Variants in MYLK observed in about 807,000 individuals in gnomAD.
MYLK encodes myosin light chain kinase.
A neutral mutation model predicts 203.4 loss-of-function variants in MYLK; 106 were observed. The observed-to-expected ratio is 0.52, with a 90% CI of 0.45 to 0.61. The LOEUF (loss-of-function observed/expected upper bound fraction) is 0.61. Ranked by LOEUF, MYLK falls within the 20% of genes least tolerant of loss-of-function variation. MYLK has a pLI of 0.00. For missense variants in MYLK, 2,072 were observed against 2,442.3 expected (o/e 0.85, Z 3.20); for synonymous variants, 867 against 959.5 (o/e 0.90, Z 1.78).
rs1576311533 is a variant in MYLK, at chr3:123,618,757, T to G, written c.5382A>C (p.Gln1794His). ...CCTCAGCAACAGCCTCAAGGAAAGC[T>G]TGGGACACATCTTCTAGAAGACAGA... is the stretch of plus-strand genomic sequence containing the variant. ...EKLESEEDVS[Q>H]AFLEAVAEEK... The change falls in exon 33 of 34, where the codon CAA becomes CAC. Residue 1794 changes from glutamine to histidine, a missense_variant. This residue lies in a region of MYLK where 524 missense variants were observed against 782.4 expected (regional missense o/e 0.67). Coordinates refer to ENST00000360304, the MANE Select transcript of MYLK (RefSeq NM_053025.4). The G allele has an allele frequency of 6.2e-7, 1 of 1,614,158 alleles. No homozygotes were observed. The highest frequency in any genetic ancestry group is 1.7e-5 in the Admixed American group (1 of 60,026).
chr3:123,641,167 T>G (rs2058819545), intron 27 of MYLK, among the ~76,000 whole-genome samples: 1 of 152,220 alleles, frequency 6.6e-6, no homozygotes, highest in Non-Finnish European at 1.5e-5. Context: ...GGATAGGCTT[T>G]GGATCCTGGC....
At chr3:123,860,629 T>C (rs2031807408) in intron 2 of MYLK, among the ~76,000 whole-genome samples, 1 of 152,200 alleles carries the variant, frequency 6.6e-6, no homozygotes, top group Admixed American at 6.5e-5. Flanking sequence ...GAATAATTCT[T>C]GTGTCTGAGC....
intron 4 of MYLK, among the ~76,000 whole-genome samples, chr3:123,753,363 T>A (rs1473956147): frequency 1.3e-5 from 2 of 152,218 alleles, no homozygotes; most frequent in Non-Finnish European, 2.9e-5. Context: ...GACAGTCCTA[T>A]GGGGTAGTGC....
At chr3:123,652,555 C>T (rs947195002) in intron 24 of MYLK, among the ~76,000 whole-genome samples, 3 of 152,192 alleles carry the variant, frequency 2.0e-5, no homozygotes, top group African/African-American at 4.8e-5. Context: ...GCCCCGGAGA[C>T]GGCCTCTGAG....
At chr3:123,820,668 T>TTCCTTCCTTCCTTCCC (rs1560260055) in intron 3 of MYLK, among the ~76,000 whole-genome samples, 4 of 139,030 alleles carry the variant, frequency 2.9e-5, no homozygotes, top group Admixed American at 1.5e-4. Context: ...CCTTCCCTCC[T>TTCCTTCCTTCCTTCCC]TCCTTCCTTC....
At chr3:123,786,171 C>T (rs1350957802) in intron 4 of MYLK, among the ~76,000 whole-genome samples, 3 of 151,586 alleles carry the variant, frequency 2.0e-5, no homozygotes, top group Non-Finnish European at 4.4e-5. Context: ...GGTGTGGTGG[C>T]ACGCGCCTGT....
In MYLK at chr3:123,714,759, C is replaced by T. The variant is rs748102887; in HGVS notation, c.1805-4866G>A. Among the ~76,000 whole-genome samples, 48 of 152,184 alleles carry T rather than the reference C, an allele frequency of 3.2e-4. 1 individual carries two copies. The highest frequency in any genetic ancestry group is 8.8e-5 in the Non-Finnish European group (6 of 68,034). On this transcript the variant is annotated intron_variant, in intron 13 of 33. Coordinates refer to ENST00000360304, the MANE Select transcript of MYLK (RefSeq NM_053025.4). ...GGATCTAAAGTGCATTTATCTGTTG[C>T]TCTGTTACTTGGTATTAGCCAATTC...
intron 11 of MYLK, 41 bp downstream of exon 11, chr3:123,732,855 T>C: frequency 1.3e-6 from 2 of 1,586,164 alleles, no homozygotes; most frequent in South Asian, 2.2e-5. Flanking sequence ...TGAATGGTTG[T>C]CCCACAGAGA....
At chr3:123,643,179 G>A (rs1180153512) in intron 27 of MYLK, among the ~76,000 whole-genome samples, 6 of 152,246 alleles carry the variant, frequency 3.9e-5, no homozygotes, top group Non-Finnish European at 7.4e-5. Flanking sequence ...CCATGGCCTC[G>A]TCTCCGCACT....
intron 3 of MYLK, among the ~76,000 whole-genome samples, chr3:123,827,144 T>A (rs961398554): frequency 6.6e-6 from 1 of 152,192 alleles, no homozygotes; most frequent in Non-Finnish European, 1.5e-5. Flanking sequence ...GATAATCTGA[T>A]GAAATCAGGA....
intron 3 of MYLK, among the ~76,000 whole-genome samples, chr3:123,806,880 G>A (rs185513007): frequency 6.6e-6 from 1 of 151,224 alleles, no homozygotes; most frequent in African/African-American, 2.5e-5. Context: ...GGCCAGGCTG[G>A]TCTCGAACTC....
chr3:123,728,582 A>AAACAAC (rs60294228), intron 11 of MYLK, among the ~76,000 whole-genome samples: 205 of 151,666 alleles, frequency 1.4e-3, no homozygotes, highest in African/African-American at 4.4e-3. Context: ...CCCAAACAAC[A>AAACAAC]AACAACAACA....
In MYLK at chr3:123,791,035, G is replaced by A. The variant is rs2064759432; in HGVS notation, c.165+2642C>T. On this transcript the variant is annotated intron_variant, in intron 4 of 33. Coordinates refer to ENST00000360304, the MANE Select transcript of MYLK (RefSeq NM_053025.4). Reference sequence around the variant, plus strand: ...GCAAGAGCTCAGTTACCAGAGAAATGTGCTCCTGAGGCCATCCTGAGAGTG... The same window carrying A: ...GCAAGAGCTCAGTTACCAGAGAAATATGCTCCTGAGGCCATCCTGAGAGTG... 2.0e-5 allele frequency among the ~76,000 whole-genome samples: 3 copies of A among 152,172 alleles called. No individual in the cohort carries two copies. The South Asian group carries it at 6.2e-4, about 32-fold the overall frequency.
chr3:123,783,470 T>C (rs141255899), intron 4 of MYLK, among the ~76,000 whole-genome samples: 19 of 152,320 alleles, frequency 1.2e-4, no homozygotes, highest in Non-Finnish European at 2.6e-4. Context: ...ATATTTTCCA[T>C]GCCCGGACTT....
chr3:123,649,127 C>A (rs763402707), intron 25 of MYLK, 35 bp downstream of exon 25: 1 of 1,614,084 alleles, frequency 6.2e-7, no homozygotes, highest in Non-Finnish European at 8.5e-7. Flanking sequence ...CCCTCCACCC[C>A]AAGAGCCTGA....
chr3:123,612,853 G>C lies in MYLK; in HGVS notation c.*1252C>G, dbSNP rs573327171. 1.3e-5 allele frequency: 2 copies of C among 152,484 alleles called. No homozygotes were observed. Among genetic ancestry groups the C allele is most frequent in the Non-Finnish European group, 2.9e-5 (2 of 68,036 alleles). The allele number at this position is 152,484 out of a possible 1,614,324, so 9.4% of individuals were successfully genotyped here. On this transcript the variant is annotated 3_prime_UTR_variant, in exon 34 of 34. Transcript: ENST00000360304. ...ATTTGGAATGTTACACACACACACA[G>C]AGGAAATGTATTAGGTCTATCATCA...
At position 123,629,532 on chromosome 3, in the gene MYLK, C is replaced by T. The variant is rs1483753716; in HGVS notation, c.5056G>A (p.Asp1686Asn). ...TCCTTGGCATCGTCGGAGATCTCAT[C>T]GAATGCCTCGTCGTCGAAGTCCCAG... ...ATWDFDDEAF[D>N]EISDDAKDFI... Residue 1686 changes from aspartate to asparagine, a missense_variant, in exon 30 of 34, where the codon GAT (aspartate) becomes AAT (asparagine). Asp to Asn is a conservative substitution (Grantham distance 23). Transcript: ENST00000360304. This position sits in a 1 kb window ranked among gnomAD's most constrained non-coding sequence, Gnocchi z 4.4. The T allele has an allele frequency of 3.7e-6, 6 of 1,614,102 alleles. No individual in the cohort carries two copies. The highest frequency in any genetic ancestry group is 1.3e-5 in the African/African-American group (1 of 74,932).
intron 5 of MYLK, among the ~76,000 whole-genome samples, chr3:123,744,891 A>G (rs906959025): frequency 1.3e-5 from 2 of 152,186 alleles, no homozygotes; most frequent in African/African-American, 4.8e-5. Flanking sequence ...ACTTAATACT[A>G]TTTGCTTCTA....
At chr3:123,820,039 A>G (rs761710350) in intron 3 of MYLK, among the ~76,000 whole-genome samples, 1 of 152,154 alleles carries the variant, frequency 6.6e-6, no homozygotes, top group Non-Finnish European at 1.5e-5. Context: ...TGAAAGTTCT[A>G]CCAGCATCCT....
Sources: gnomAD v4.1 joint callset for allele counts (sites outside exome capture counted in the v4.1 genomes callset) on GRCh38, gnomAD v4.1.1 for gene constraint, gnomAD v4.1.1 regional missense constraint, Gnocchi (gnomAD v3.1) non-coding constraint, MANE v1.5 for transcripts, NCBI Gene and HGNC (gene_info 2026-07-23, HGNC 2026-07-21) for gene names.